Variants in KCNK13 observed in about 807,000 individuals in gnomAD.
The protein encoded by KCNK13 is potassium two pore domain channel subfamily K member 13.
KCNK13 carries 12 observed loss-of-function variants against 23.4 expected under a neutral mutation model. That is an observed-to-expected ratio of 0.51 (90% CI 0.33 to 0.83). The LOEUF (loss-of-function observed/expected upper bound fraction) is 0.83. Ranked by LOEUF, KCNK13 falls within the 40% of genes least tolerant of loss-of-function variation. The pLI, the probability that KCNK13 is intolerant of heterozygous loss-of-function variation, is 0.02. For synonymous variants in KCNK13, 231 were observed against 229.5 expected (o/e 1.01, Z -0.06); for missense variants, 463 against 556.3 (o/e 0.83, Z 1.69).
chr14:90,125,474 C>T (rs1889786763), intron 1 of KCNK13, among the ~76,000 whole-genome samples: 1 of 151,960 alleles, frequency 6.6e-6, no homozygotes, highest in Non-Finnish European at 1.5e-5. Context: ...TTGCCTGCCT[C>T]GGCCTCCCAA....
At chr14:90,133,072 T>C (rs1486190765) in intron 1 of KCNK13, among the ~76,000 whole-genome samples, 1 of 152,188 alleles carries the variant, frequency 6.6e-6, no homozygotes, top group Admixed American at 6.5e-5. Context: ...CCTGTCCTCT[T>C]CCTTGGCTCC....
chr14:90,123,083 A>G (rs768963057), intron 1 of KCNK13, among the ~76,000 whole-genome samples: 1 of 152,186 alleles, frequency 6.6e-6, no homozygotes, highest in South Asian at 2.1e-4. Flanking sequence ...GCTATATTCA[A>G]ACAGCCTGAT....
intron 1 of KCNK13, among the ~76,000 whole-genome samples, chr14:90,078,621 G>A (rs1889170624): frequency 6.6e-6 from 1 of 150,462 alleles, no homozygotes; most frequent in Admixed American, 6.6e-5. Flanking sequence ...GGGAGGGAAG[G>A]CAGGCAGGCA....
chr14:90,072,697 C>T (rs1375695204), intron 1 of KCNK13, among the ~76,000 whole-genome samples: 2 of 152,290 alleles, frequency 1.3e-5, no homozygotes, highest in East Asian at 1.9e-4. Flanking sequence ...CTGATTTCTG[C>T]GACTACACAT....
rs60505302 is a variant in KCNK13, at chr14:90,130,179, CATTTATTT to C, written c.335-53903_335-53896del. On this transcript the variant is annotated intron_variant, in intron 1 of 1. Transcript: ENST00000282146. ...AGAACTGGAAGAAGATGGAGAAGGA[CATTTATTT>C]ATTTATTTATTTATTTATTTATTTA... Among the ~76,000 whole-genome samples the C allele has an allele frequency of 2.8e-3, 396 of 142,146 alleles. 1 individual carries two copies. The highest frequency in any genetic ancestry group is 8.7e-3 in the African/African-American group (333 of 38,316). The allele number at this position is 142,146 out of a possible 152,430, so 93.3% of individuals were successfully genotyped here. A position where few individuals can be genotyped will look rare whatever the true frequency, so the allele number is the denominator to read the frequency against.
At chr14:90,082,162 A>G (rs1889220598) in intron 1 of KCNK13, among the ~76,000 whole-genome samples, 1 of 152,070 alleles carries the variant, frequency 6.6e-6, no homozygotes, top group South Asian at 2.1e-4. Context: ...CCTGCGCTTA[A>G]GTGATTCTCC....
chr14:90,156,203 C>A (rs1174479263), intron 1 of KCNK13, among the ~76,000 whole-genome samples: 965 of 131,858 alleles, frequency 7.3e-3, no homozygotes, highest in Admixed American at 0.011. Flanking sequence ...AGAGTCTGGC[C>A]AAAAAAAAAA....
chr14:90,117,375 A>G (rs1314429335), intron 1 of KCNK13, among the ~76,000 whole-genome samples: 1 of 152,112 alleles, frequency 6.6e-6, no homozygotes, highest in Admixed American at 6.6e-5. Flanking sequence ...GGATCACCTG[A>G]GGTCAGGAGT....
At chr14:90,129,550 G>A (rs1280172626) in intron 1 of KCNK13, among the ~76,000 whole-genome samples, 1 of 152,144 alleles carries the variant, frequency 6.6e-6, no homozygotes, top group Non-Finnish European at 1.5e-5. Context: ...ACGGTCTAAG[G>A]TCTAGGAGTG....
intron 1 of KCNK13, among the ~76,000 whole-genome samples, chr14:90,166,420 G>A (rs1201072176): frequency 6.6e-6 from 1 of 152,098 alleles, no homozygotes; most frequent in African/African-American, 2.4e-5. Context: ...AATTTTCTTT[G>A]GGTTGCCGGG....
chr14:90,167,706 T>C (rs1050298435), intron 1 of KCNK13, among the ~76,000 whole-genome samples: 3 of 152,164 alleles, frequency 2.0e-5, no homozygotes, highest in African/African-American at 7.2e-5. Context: ...TGCCGAAAGC[T>C]GGTTCGGAAG....
chr14:90,103,943 C>A (rs2140408085), intron 1 of KCNK13, among the ~76,000 whole-genome samples: 1 of 152,148 alleles, frequency 6.6e-6, no homozygotes, highest in South Asian at 2.1e-4. Flanking sequence ...CCTCTAAAGA[C>A]TTTGCCCTTT....
Position 90,062,157 on chromosome 14 carries a change from G to A in KCNK13, c.-49G>A, listed in dbSNP as rs898017050. The stretch of plus-strand genomic sequence containing the variant: ...TTCCCGGGGGTGTGGGCGAGACTCC[G>A]CCGACGCCCGGTGCCGTGGGCCTGG... On this transcript the variant is annotated 5_prime_UTR_variant, in exon 1 of 2. Transcript: ENST00000282146. This position sits in a 1 kb window ranked among gnomAD's most constrained non-coding sequence, Gnocchi z 4.5. 4 of 1,226,948 alleles carry A rather than the reference G, an allele frequency of 3.3e-6. No individual in the cohort carries two copies. Among genetic ancestry groups the A allele is most frequent in the South Asian group, 2.0e-5 (1 of 48,972 alleles). 76.0% of individuals were successfully genotyped at this position (1,226,948 alleles called of 1,614,324 possible).
At chr14:90,104,791 CTT>C (rs66511223) in intron 1 of KCNK13, among the ~76,000 whole-genome samples, 320 of 113,484 alleles carry the variant, frequency 2.8e-3, no homozygotes, top group Non-Finnish European at 4.0e-3. Flanking sequence ...CTTTTCTTTT[CTT>C]TTTTTTTTTT....
intron 1 of KCNK13, among the ~76,000 whole-genome samples, chr14:90,119,656 G>A (rs917374108): frequency 1.3e-5 from 2 of 152,144 alleles, no homozygotes; most frequent in Admixed American, 6.5e-5. Flanking sequence ...CTGGAGTGCA[G>A]TGGCATGATC....
chr14:90,135,115 A>T (rs185728998), intron 1 of KCNK13, among the ~76,000 whole-genome samples: 55 of 152,292 alleles, frequency 3.6e-4, no homozygotes, highest in Non-Finnish European at 6.9e-4. Context: ...GGGAACTCAC[A>T]CCTCCACACT....
At chr14:90,125,131 T>C (rs780148584) in intron 1 of KCNK13, among the ~76,000 whole-genome samples, 2 of 152,070 alleles carry the variant, frequency 1.3e-5, no homozygotes, top group African/African-American at 2.4e-5. Context: ...TTAGGAAGGA[T>C]AGGCTTTTGT....
chr14:90,128,958 GC>G (rs1303889522), intron 1 of KCNK13, among the ~76,000 whole-genome samples: 1 of 152,022 alleles, frequency 6.6e-6, no homozygotes, highest in South Asian at 2.1e-4. Context: ...CTTCCTCCCC[GC>G]CCCCTAAGAG....
intron 1 of KCNK13, among the ~76,000 whole-genome samples, chr14:90,085,132 T>C (rs905346936): frequency 6.6e-6 from 1 of 151,510 alleles, no homozygotes; most frequent in Non-Finnish European, 1.5e-5. Flanking sequence ...TTAGTAGAGA[T>C]GGGGTTTCAC....
Sources: allele counts gnomAD v4.1 joint callset (sites outside exome capture counted in the v4.1 genomes callset), GRCh38; gene constraint gnomAD v4.1.1; non-coding constraint Gnocchi (gnomAD v3.1); transcripts MANE v1.5; gene names NCBI Gene and HGNC (gene_info 2026-07-23, HGNC 2026-07-21).